ALDH2: variants seen among roughly 807,000 people sequenced by gnomAD.
ALDH2 encodes the protein aldehyde dehydrogenase 2 family member.
A neutral mutation model predicts 59.6 loss-of-function variants in ALDH2; 44 were observed. That is an observed-to-expected ratio of 0.74 (90% CI 0.58 to 0.95). The LOEUF is 0.95. Ranked by LOEUF, ALDH2 falls within the 40% of genes least tolerant of loss-of-function variation. ALDH2 has a pLI of 0.00. For synonymous variants in ALDH2, 291 were observed against 284.0 expected (o/e 1.02, Z -0.25); for missense variants, 570 against 696.3 (o/e 0.82, Z 2.04).
In ALDH2 at chr12:111,767,112, G is replaced by A; in HGVS notation, c.114+16G>A. 6.8e-7 allele frequency: 1 copy of A among 1,468,064 alleles called. No homozygotes were observed. The highest frequency in any genetic ancestry group is 1.3e-5 in the South Asian group (1 of 75,400). 90.9% of individuals were successfully genotyped at this position (1,468,064 alleles called of 1,614,324 possible). A position where few individuals can be genotyped will look rare whatever the true frequency, so the allele number is the denominator to read the frequency against. ...CTGCAACCAGGTGAGCCCACCGGCC[G>A]GGCTCGCGCTTTGTTTTCCGGCCCG... On this transcript the variant is annotated intron_variant, in intron 1 of 12. Coordinates refer to ENST00000261733, the MANE Select transcript of ALDH2 (RefSeq NM_000690.4).
rs1566192585 is a variant in ALDH2 at position 111,798,182 on chromosome 12, C to T, written c.1188C>T (p.Tyr396=). The change falls in exon 10 of 13, where the codon TAC becomes TAT. Residue 396 remains tyrosine, a synonymous_variant. Coordinates refer to ENST00000261733, the MANE Select transcript of ALDH2 (RefSeq NM_000690.4). ...GGGGCATTGCTGCTGACCGTGGTTACTTCATCCAGCCCACTGTGTTTGGAG... is the reference window on the plus strand; with the variant it reads ...GGGGCATTGCTGCTGACCGTGGTTATTTCATCCAGCCCACTGTGTTTGGAG... ...CGGGIAADRG[Y]FIQPTVFGDV... 6.2e-7 allele frequency: 1 copy of T among 1,607,636 alleles called. No homozygotes were observed. The highest frequency in any genetic ancestry group is 8.5e-7 in the Non-Finnish European group (1 of 1,176,792).
intron 4 of ALDH2, among the ~76,000 whole-genome samples, chr12:111,785,883 G>A (rs1283525532): frequency 6.6e-6 from 1 of 152,094 alleles, no homozygotes; most frequent in African/African-American, 2.4e-5. Context: ...GTCACTTTTG[G>A]TACTTTCTGT....
At chr12:111,793,852 G>T (rs1411549475) in intron 9 of ALDH2, among the ~76,000 whole-genome samples, 1 of 151,750 alleles carries the variant, frequency 6.6e-6, no homozygotes, top group Admixed American at 6.6e-5. Flanking sequence ...CAGCCTCGGG[G>T]TCATTTTTTG....
intron 4 of ALDH2, among the ~76,000 whole-genome samples, chr12:111,787,181 G>A (rs2068316802): frequency 6.6e-6 from 1 of 152,048 alleles, no homozygotes; most frequent in South Asian, 2.1e-4. Flanking sequence ...ACTCCAGTCT[G>A]GGTGACAGAC....
intron 3 of ALDH2, 70 bp from the exon 4 acceptor site, chr12:111,785,197 C>T (rs1041404387): frequency 3.1e-6 from 4 of 1,294,008 alleles, no homozygotes; most frequent in Middle Eastern, 1.8e-4. Flanking sequence ...AGCCTTGGCG[C>T]CCTCTGTCAG....
At chr12:111,790,689 G>T in intron 6 of ALDH2, 127 bp downstream of exon 6, 1 of 1,249,894 alleles carries the variant, frequency 8.0e-7, no homozygotes, top group Non-Finnish European at 1.1e-6. Context: ...ATCACCATGT[G>T]AACCAGAGTG....
At chr12:111,803,736 CA>C (rs201204403) in intron 11 of ALDH2, 122 bp from the exon 12 acceptor site, 4,230 of 489,036 alleles carry the variant, frequency 8.6e-3, no homozygotes, top group South Asian at 0.01. Context: ...GATTCTATCT[CA>C]AAAAAAAAAA....
intron 5 of ALDH2, 139 bp downstream of exon 5, chr12:111,790,073 C>T (rs561726454): frequency 9.5e-6 from 7 of 738,556 alleles, no homozygotes; most frequent in East Asian, 2.7e-5. Context: ...AAAGCCAATC[C>T]GGTTTGAGTC....
chr12:111,794,188 T>A (rs1048505919), intron 9 of ALDH2, among the ~76,000 whole-genome samples: 1 of 151,686 alleles, frequency 6.6e-6, no homozygotes, highest in African/African-American at 2.4e-5. Context: ...CCCAGCTAAT[T>A]TTTGTATTTT....
At chr12:111,787,816 G>A (rs2068322371) in intron 4 of ALDH2, among the ~76,000 whole-genome samples, 1 of 152,072 alleles carries the variant, frequency 6.6e-6, no homozygotes, top group African/African-American at 2.4e-5. Context: ...GGGATCACGA[G>A]GTCAGGAAAT....
At chr12:111,793,582 C>T (rs1387951474) in intron 9 of ALDH2, among the ~76,000 whole-genome samples, 3 of 144,064 alleles carry the variant, frequency 2.1e-5, no homozygotes, top group South Asian at 4.5e-4. Flanking sequence ...AGTGTATATT[C>T]GGGTTTTTTT....
Position 111,799,471 on chromosome 12 carries a change from A to AT in ALDH2, c.1249-419dup, listed in dbSNP as rs749835920. Among the ~76,000 whole-genome samples, 1,070 of 140,018 alleles carry AT rather than the reference A, an allele frequency of 7.6e-3. 12 individuals are homozygous for AT. The highest frequency in any genetic ancestry group is 0.022 in the African/African-American group (828 of 38,218). 91.9% of individuals were successfully genotyped at this position (140,018 alleles called of 152,430 possible). A position where few individuals can be genotyped will look rare whatever the true frequency, so the allele number is the denominator to read the frequency against. On this transcript the variant is annotated intron_variant, in intron 10 of 12. Coordinates refer to ENST00000261733, the MANE Select transcript of ALDH2 (RefSeq NM_000690.4). ...TGTGAGCCATCGTGCCTGGCCAAAAATTTTTTTTTTTTTTTTGAGTAAAGA... is the reference window on the plus strand; with the variant it reads ...TGTGAGCCATCGTGCCTGGCCAAAAATTTTTTTTTTTTTTTTTGAGTAAAGA...
At position 111,813,218 on chromosome 12, in the gene ALDH2, G is replaced by A. The variant is rs1378701280; in HGVS notation, c.*3643G>A. 4 of 152,208 alleles carry A rather than the reference G, an allele frequency of 2.6e-5. No homozygotes were observed. The highest frequency in any genetic ancestry group is 9.6e-5 in the African/African-American group (4 of 41,452). The allele number at this position is 152,208 out of a possible 1,614,324, so 9.4% of individuals were successfully genotyped here. A position where few individuals can be genotyped will look rare whatever the true frequency, so the allele number is the denominator to read the frequency against. On this transcript the variant is annotated 3_prime_UTR_variant, in exon 13 of 13. Transcript: ENST00000261733. The stretch of plus-strand genomic sequence containing the variant: ...CAGTCACAGGAGTATTAGGTGTAAA[G>A]CCGCTGCTTCTGGGTAGAGCCTCCA...
intron 5 of ALDH2, among the ~76,000 whole-genome samples, chr12:111,790,149 C>T (rs771544832): frequency 6.6e-6 from 1 of 152,166 alleles, no homozygotes; most frequent in African/African-American, 2.4e-5. Flanking sequence ...CCTCAGTTTC[C>T]CCATCTGAAA....
chr12:111,769,699 C>A (rs1425591097), intron 1 of ALDH2, among the ~76,000 whole-genome samples: 2 of 151,944 alleles, frequency 1.3e-5, no homozygotes, highest in Non-Finnish European at 2.9e-5. Context: ...TTCCAAGGAC[C>A]ACAGAGCATT....
chr12:111,805,448 C>G (rs141061085), intron 12 of ALDH2, among the ~76,000 whole-genome samples: 1 of 152,112 alleles, frequency 6.6e-6, no homozygotes, highest in African/African-American at 2.4e-5. Context: ...TCTCAGTCTC[C>G]CGAGTAGCTG....
chr12:111,785,881 T>A (rs1245507420), intron 4 of ALDH2, among the ~76,000 whole-genome samples: 3 of 152,238 alleles, frequency 2.0e-5, no homozygotes, highest in African/African-American at 7.2e-5. Flanking sequence ...GAGTCACTTT[T>A]GGTACTTTCT....
In ALDH2 at chr12:111,803,944, G is replaced by A. The variant is rs1303244809; in HGVS notation, c.1492G>A (p.Gly498Arg). ...SGSGRELGEYGLQAYTEVKTV... is the reference protein window; with the variant it reads ...SGSGRELGEYRLQAYTEVKTV... The stretch of plus-strand genomic sequence containing the variant: ...GAGTGGCCGGGAGTTGGGCGAGTAC[G>A]GGCTGCAGGCATACACTGAAGTGAA... The change falls in exon 12 of 13, where the codon GGG becomes AGG. Residue 498 changes from glycine to arginine, a missense_variant. By Grantham distance (125) the Gly-to-Arg change is moderately radical. Coordinates refer to ENST00000261733, the MANE Select transcript of ALDH2 (RefSeq NM_000690.4). The A allele has an allele frequency of 3.1e-6, 5 of 1,611,724 alleles. No individual in the cohort carries two copies. Among genetic ancestry groups the A allele is most frequent in the East Asian group, 2.2e-5 (1 of 44,800 alleles).
At chr12:111,799,769 G>A (rs1229317168) in intron 10 of ALDH2, 137 bp from the exon 11 acceptor site, 5 of 1,084,176 alleles carry the variant, frequency 4.6e-6, no homozygotes, top group Admixed American at 5.5e-5. Context: ...CTTGATGGCT[G>A]TTGTCTTCCC....
Sources: gnomAD v4.1 joint callset for allele counts (sites outside exome capture counted in the v4.1 genomes callset) on GRCh38, gnomAD v4.1.1 for gene constraint, MANE v1.5 for transcripts, NCBI Gene and HGNC (gene_info 2026-07-23, HGNC 2026-07-21) for gene names.